Variants in KLF12 observed in about 807,000 individuals in gnomAD.
KLF12 encodes the protein Krueppel-like factor 12.
In KLF12, 9 loss-of-function variants were observed where a neutral mutation model predicts 37.8. The ratio of observed to expected loss-of-function variants is 0.24; its 90% CI spans 0.14 to 0.42. The LOEUF (loss-of-function observed/expected upper bound fraction) is 0.42. KLF12 is among the 10% of genes least tolerant of loss of function. The pLI is 1.00. For synonymous variants in KLF12, 208 were observed against 202.1 expected (o/e 1.03, Z -0.25); for missense variants, 411 against 516.0 (o/e 0.80, Z 1.97).
intron 4 of KLF12, among the ~76,000 whole-genome samples, chr13:73,841,657 T>A (rs1253013581): frequency 6.6e-6 from 1 of 152,156 alleles, no homozygotes; most frequent in East Asian, 1.9e-4. Flanking sequence ...TTTATAAATA[T>A]CATGTCTTAG....
the KLF12 span, among the ~76,000 whole-genome samples, chr13:74,221,229 A>G: frequency 6.6e-6 from 1 of 152,024 alleles, no homozygotes; most frequent in Admixed American, 6.5e-5. Flanking sequence ...GATGGTCTCG[A>G]TCTCCTGACC....
chr13:74,091,785 C>T (rs989627323), intron 1 of KLF12, among the ~76,000 whole-genome samples: 2 of 152,086 alleles, frequency 1.3e-5, no homozygotes, highest in African/African-American at 4.8e-5. Flanking sequence ...AAAGCCAACA[C>T]CAAGAGTGAA....
At chr13:73,876,889 C>T (rs1886731104) in intron 3 of KLF12, among the ~76,000 whole-genome samples, 1 of 151,970 alleles carries the variant, frequency 6.6e-6, no homozygotes, top group Non-Finnish European at 1.5e-5. Flanking sequence ...GTGGCACACG[C>T]CTGTAATCCC....
chr13:73,980,722 T>A (rs1891669201), intron 2 of KLF12, among the ~76,000 whole-genome samples: 2 of 152,066 alleles, frequency 1.3e-5, no homozygotes, highest in African/African-American at 4.8e-5. Context: ...TCAATAAACA[T>A]ATGAACCATT....
At chr13:73,805,760 C>T (rs183162631) in intron 5 of KLF12, among the ~76,000 whole-genome samples, 1 of 151,850 alleles carries the variant, frequency 6.6e-6, no homozygotes, top group Non-Finnish European at 1.5e-5. Flanking sequence ...GTATTGGAGT[C>T]CAAAGCTAAA....
chr13:73,709,357 C>G (rs969299978), intron 7 of KLF12, among the ~76,000 whole-genome samples: 1 of 152,132 alleles, frequency 6.6e-6, no homozygotes, highest in Non-Finnish European at 1.5e-5. Flanking sequence ...GCATGGCTCT[C>G]GTAAGTCAAC....
chr13:74,068,593 C>T (rs1441253677), intron 1 of KLF12, among the ~76,000 whole-genome samples: 3 of 143,450 alleles, frequency 2.1e-5, no homozygotes, highest in Non-Finnish European at 4.5e-5. Context: ...GCTCTGCTCT[C>T]TTGCCCAGGC....
chr13:73,762,368 T>C (rs966481003), intron 6 of KLF12, among the ~76,000 whole-genome samples: 4 of 152,210 alleles, frequency 2.6e-5, no homozygotes, highest in African/African-American at 9.6e-5. Flanking sequence ...AGAAAAATGC[T>C]AGTTAAAAGT....
Position 73,688,899 on chromosome 13 carries a change from C to T in KLF12, c.*6591G>A, listed in dbSNP as rs1010196148. On this transcript the variant is annotated 3_prime_UTR_variant, in exon 8 of 8. Coordinates refer to ENST00000377669, the MANE Select transcript of KLF12 (RefSeq NM_007249.5). ...GGCAGACCTCCAGGTCAGAGATAGG[C>T]GGTTTCACTTTCCTACTCTGCCGTT... is the stretch of plus-strand genomic sequence containing the variant. The T allele has an allele frequency of 6.6e-6, 1 of 152,066 alleles. No homozygotes were observed. The highest frequency in any genetic ancestry group is 2.4e-5 in the African/African-American group (1 of 41,412). The allele number at this position is 152,066 out of a possible 1,614,324, so 9.4% of individuals were successfully genotyped here.
intron 6 of KLF12, among the ~76,000 whole-genome samples, chr13:73,742,553 T>C (rs1333373365): frequency 6.6e-6 from 1 of 152,184 alleles, no homozygotes; most frequent in Non-Finnish European, 1.5e-5. Flanking sequence ...GATGATGGCA[T>C]TATCATTCCC....
chr13:74,018,381 G>T (rs982338326), intron 1 of KLF12, among the ~76,000 whole-genome samples: 3 of 152,096 alleles, frequency 2.0e-5, no homozygotes, highest in Admixed American at 6.5e-5. Context: ...GACATCTATT[G>T]TACAGCATAC....
chr13:74,165,057 T>A, the KLF12 span, among the ~76,000 whole-genome samples: 1 of 152,142 alleles, frequency 6.6e-6, no homozygotes, highest in Non-Finnish European at 1.5e-5. Context: ...ATAACTAGAA[T>A]GTTTGTAACA....
intron 3 of KLF12, among the ~76,000 whole-genome samples, chr13:73,921,043 CA>C (rs1244127112): frequency 6.6e-6 from 1 of 152,106 alleles, no homozygotes; most frequent in Non-Finnish European, 1.5e-5. Flanking sequence ...GAGCAGACAC[CA>C]CACCCATAAC....
At chr13:73,920,551 A>G (rs1004950393) in intron 3 of KLF12, among the ~76,000 whole-genome samples, 1 of 152,094 alleles carries the variant, frequency 6.6e-6, no homozygotes, top group Non-Finnish European at 1.5e-5. Context: ...TAGCAAATCC[A>G]TCCCTCCTGT....
intron 5 of KLF12, among the ~76,000 whole-genome samples, chr13:73,808,330 C>T (rs1319770702): frequency 6.6e-6 from 1 of 152,118 alleles, no homozygotes; most frequent in Non-Finnish European, 1.5e-5. Flanking sequence ...GACTGTGGGT[C>T]TCTTGGTGGC....
At chr13:74,159,624 C>T in the KLF12 span, among the ~76,000 whole-genome samples, 1 of 152,206 alleles carries the variant, frequency 6.6e-6, no homozygotes, top group Admixed American at 6.5e-5. Flanking sequence ...AGACAAGTTG[C>T]TGTATACCTT....
chr13:74,009,671 G>A (rs966998438), intron 1 of KLF12, among the ~76,000 whole-genome samples: 10 of 152,222 alleles, frequency 6.6e-5, no homozygotes, highest in Non-Finnish European at 1.3e-4. Flanking sequence ...TTGCTGGCAT[G>A]TATGGTCCTA....
chr13:73,744,299 A>G (rs1878212059), intron 6 of KLF12, among the ~76,000 whole-genome samples: 1 of 152,160 alleles, frequency 6.6e-6, no homozygotes, highest in African/African-American at 2.4e-5. Context: ...CTGAATTTCT[A>G]TTTTGGAACT....
intron 5 of KLF12, among the ~76,000 whole-genome samples, chr13:73,785,280 ATTTTTGTAT>A (rs1166565430): frequency 6.6e-6 from 1 of 151,716 alleles, no homozygotes; most frequent in African/African-American, 2.4e-5. Context: ...CACCATGCTA[ATTTTTGTAT>A]TTTTTGTAGA....
Sources: gnomAD v4.1 joint callset for allele counts (sites outside exome capture counted in the v4.1 genomes callset) on GRCh38, gnomAD v4.1.1 for gene constraint, MANE v1.5 for transcripts, NCBI Gene and HGNC (gene_info 2026-07-23, HGNC 2026-07-21) for gene names.